MYH1: variants seen among roughly 807,000 people sequenced by gnomAD.
The protein encoded by MYH1 is myosin-1.
A neutral mutation model predicts 225.6 loss-of-function variants in MYH1; 214 were observed. The ratio of observed to expected loss-of-function variants is 0.95; its 90% CI spans 0.85 to 1.06. The LOEUF is 1.06. Among genes scored for constraint, MYH1 ranks in the 50% least tolerant of loss-of-function variants. The pLI is 0.00. For synonymous variants in MYH1, 774 were observed against 842.3 expected, an observed-to-expected ratio of 0.92 and a Z score of 1.40; for missense variants, 2,098 against 2,344.2, an observed-to-expected ratio of 0.89 and a Z score of 2.17.
chr17:10,499,993 A>G (rs2073035230), intron 28 of MYH1, among the ~76,000 whole-genome samples: 1 of 152,106 alleles, frequency 6.6e-6, no homozygotes, highest in African/African-American at 2.4e-5. Flanking sequence ...AGACTTTCCA[A>G]TTTCTCTAAT....
Position 10,497,733 on chromosome 17 carries a change from C to T in MYH1, c.4365+1G>A, listed in dbSNP as rs1215736440. ...GTTGAAGCAAAAACTGGAGAGAATA[C>T]CTTATCAAAGTTCCTTTGCTTTTTG... On this transcript the variant is annotated splice_donor_variant, in intron 31 of 39. Transcript: ENST00000226207. LOFTEE classifies it high-confidence loss of function. The T allele has an allele frequency of 6.2e-7, 1 of 1,613,520 alleles. No homozygotes were observed. The highest frequency in any genetic ancestry group is 8.5e-7 in the Non-Finnish European group (1 of 1,179,954).
In MYH1 at chr17:10,495,321, T is replaced by C. The variant is rs375929517; in HGVS notation, c.5170-4A>G. ...TGGTGTTGATCAGGCTGGTGTTCTGTTTAAAATGTGAAATTTAGAAATATT... is the reference window on the plus strand; with the variant it reads ...TGGTGTTGATCAGGCTGGTGTTCTGCTTAAAATGTGAAATTTAGAAATATT... On this transcript the variant is annotated splice_region_variant and splice_polypyrimidine_tract_variant and intron_variant, in intron 35 of 39. Transcript: ENST00000226207. 6.1e-5 allele frequency: 98 copies of C among 1,613,876 alleles called. No individual in the cohort carries two copies. Among genetic ancestry groups the C allele is most frequent in the Non-Finnish European group, 7.9e-5 (93 of 1,180,008 alleles).
In MYH1 at chr17:10,496,256, G is replaced by A. The variant is rs755487459; in HGVS notation, c.4950C>T (p.Thr1650=). 23 of 1,614,014 alleles carry A rather than the reference G, an allele frequency of 1.4e-5. No individual in the cohort carries two copies. The South Asian group carries it at 2.2e-4, about 15-fold the overall frequency. The part of the protein sequence containing the change: ...AAEALRNYRN[T]QAILKDTQLH... ...ACATATTTACCTTGAGGATGGCTTGGGTGTTCCTATAGTTCCTCAGGGCCT... is the reference window on the plus strand; with the variant it reads ...ACATATTTACCTTGAGGATGGCTTGAGTGTTCCTATAGTTCCTCAGGGCCT... Residue 1650 remains threonine (T), a synonymous_variant, in exon 34 of 40, where the codon ACC becomes ACT. Transcript: ENST00000226207.
At position 10,497,766 on chromosome 17, in the gene MYH1, C is replaced by T. The variant is rs139860229; in HGVS notation, c.4333G>A (p.Ala1445Thr). The T allele has an allele frequency of 6.4e-5, 103 of 1,613,814 alleles. No individual in the cohort carries two copies. Among genetic ancestry groups the T allele is most frequent in the South Asian group, 1.6e-4 (15 of 91,002 alleles). ...DVERTNAACA[A>T]LDKKQRNFDK... ...AAGTTCCTTTGCTTTTTGTCCAGGG[C>T]GGCACAGGCAGCATTTGTCCTCTCA... is the stretch of plus-strand genomic sequence containing the variant. Residue 1445 changes from alanine (A) to threonine (T), a missense_variant, in exon 31 of 40, where the codon GCC becomes ACC. By Grantham distance (58) the Ala-to-Thr change is moderately conservative. Coordinates refer to ENST00000226207, the MANE Select transcript of MYH1 (RefSeq NM_005963.4).
intron 39 of MYH1, among the ~76,000 whole-genome samples, chr17:10,493,683 C>T (rs910739052): frequency 5.3e-5 from 8 of 152,156 alleles, no homozygotes; most frequent in Admixed American, 2.0e-4. Flanking sequence ...TTCTGTTCTT[C>T]CCTTTGTTCC....
At position 10,515,910 on chromosome 17, in the gene MYH1, C is replaced by T; in HGVS notation, c.505+16G>A. Reference sequence around the variant, plus strand: ...ATGGTAAAATAATTCATATGAAAACCAGCTGAGCCACTCACCAGTCAGCAT... The same window carrying T: ...ATGGTAAAATAATTCATATGAAAACTAGCTGAGCCACTCACCAGTCAGCAT... On this transcript the variant is annotated intron_variant, in intron 5 of 39. Coordinates refer to ENST00000226207, the MANE Select transcript of MYH1 (RefSeq NM_005963.4). 1 of 1,613,868 alleles carries T rather than the reference C, an allele frequency of 6.2e-7. No individual in the cohort carries two copies. The highest frequency in any genetic ancestry group is 8.5e-7 in the Non-Finnish European group (1 of 1,179,942).
chr17:10,511,480 G>A (rs1397876762), intron 14 of MYH1, among the ~76,000 whole-genome samples: 1 of 152,024 alleles, frequency 6.6e-6, no homozygotes, highest in East Asian at 1.9e-4. Context: ...CTGTGTTAAG[G>A]GCTGAAAATT....
rs200741359 is a variant in MYH1 at position 10,501,151 on chromosome 17, C to T, written c.3697G>A (p.Asp1233Asn). The stretch of plus-strand genomic sequence containing the variant: ...GTCTCCATGTTACTAGCAAGGTCAT[C>T]GATCTCCATCTTCATCTCACTCTTC... ...KEKSEMKMEI[D>N]DLASNMETVS... Residue 1233 changes from aspartate (D) to asparagine (N), a missense_variant, in exon 27 of 40, where the codon GAT (aspartate) becomes AAT (asparagine). Asp to Asn is a conservative substitution (Grantham distance 23, BLOSUM62 1). Transcript: ENST00000226207. 3.3e-5 allele frequency: 54 copies of T among 1,614,144 alleles called. No individual in the cohort carries two copies. Among genetic ancestry groups the T allele is most frequent in the Admixed American group, 1.0e-4 (6 of 60,016 alleles).
At chr17:10,492,651 A>T in intron 39 of MYH1, 83 bp from the exon 40 acceptor site, 1 of 1,406,626 alleles carries the variant, frequency 7.1e-7, no homozygotes, top group South Asian at 1.4e-5. Context: ...TTTCCTTTTT[A>T]CTTAAAAATG....
Position 10,492,517 on chromosome 17 carries a change from G to A in MYH1, c.5719C>T (p.Leu1907=), listed in dbSNP as rs2072945208. The part of the protein sequence containing the change: ...LSKFRRIQHE[L]EEAEERADIA... ...TCAGCCCGTTCCTCGGCCTCCTCCA[G>A]CTCGTGCTGGATCCTGCGGAATTTG... The change falls in exon 40 of 40, where the codon CTG becomes TTG. Residue 1907 remains leucine (L), a synonymous_variant. Transcript: ENST00000226207. The A allele has an allele frequency of 2.5e-6, 4 of 1,613,998 alleles. No individual in the cohort carries two copies. The African/African-American group carries it at 4.0e-5, about 16-fold the overall frequency.
chr17:10,508,546 C>A lies in MYH1; in HGVS notation c.1714G>T (p.Ala572Ser), dbSNP rs1426510996. The A allele has an allele frequency of 2.5e-6, 4 of 1,614,134 alleles. No individual in the cohort carries two copies. Among genetic ancestry groups the A allele is most frequent in the East Asian group, 2.2e-5 (1 of 44,872 alleles). ...KSNNFQKPKP[A>S]KGKPEAHFSL... ...AAGTGGGCCTCAGGCTTGCCTTTGG[C>A]AGGCTTGGGCTTCTGGAAGTTATTG... Residue 572 changes from alanine to serine, a missense_variant, in exon 16 of 40, where the codon GCC becomes TCC. Coordinates refer to ENST00000226207, the MANE Select transcript of MYH1 (RefSeq NM_005963.4).
Position 10,492,393 on chromosome 17 carries a change from T to C in MYH1, c.*23A>G, listed in dbSNP as rs1369880422. The C allele has an allele frequency of 6.2e-7, 1 of 1,609,752 alleles. No homozygotes were observed. The highest frequency in any genetic ancestry group is 1.3e-5 in the African/African-American group (1 of 74,722). On this transcript the variant is annotated 3_prime_UTR_variant, in exon 40 of 40. Transcript: ENST00000226207. ...TTTCACATTTTGTGCATTTCTTTGG[T>C]CACCTTTCAGCAGTTAGATAAATTA...
intron 22 of MYH1, 56 bp from the exon 23 acceptor site, chr17:10,503,304 A>T: frequency 6.3e-7 from 1 of 1,583,804 alleles, no homozygotes; most frequent in Non-Finnish European, 8.6e-7. Context: ...ACATTTTCAG[A>T]TTTTATTAAT....
At chr17:10,499,887 T>C (rs898399271) in intron 28 of MYH1, among the ~76,000 whole-genome samples, 7 of 152,282 alleles carry the variant, frequency 4.6e-5, no homozygotes, top group African/African-American at 1.7e-4. Flanking sequence ...TAGCCTAAAT[T>C]ACCCATAAAA....
rs148632944 is a variant in MYH1, at chr17:10,510,327, A to G, written c.1417-672T>C. ...CTAATATTTGGTGAACATTTACTCT[A>G]CAGTAGACACTATGCTGAGTGCCTT... On this transcript the variant is annotated intron_variant, in intron 14 of 39. Coordinates refer to ENST00000226207, the MANE Select transcript of MYH1 (RefSeq NM_005963.4). Among the ~76,000 whole-genome samples, 340 of 152,302 alleles carry G rather than the reference A, an allele frequency of 2.2e-3. 2 individuals are homozygous for G. The highest frequency in any genetic ancestry group is 7.4e-3 in the African/African-American group (307 of 41,558).
chr17:10,507,628 G>A (rs995534833), intron 17 of MYH1, among the ~76,000 whole-genome samples: 8 of 152,072 alleles, frequency 5.3e-5, no homozygotes, highest in South Asian at 2.1e-4. Context: ...GAATTTTGCC[G>A]TCTAATACTG....
At chr17:10,501,737 C>T (rs1237929629) in intron 25 of MYH1, 29 bp downstream of exon 25, 1 of 1,613,886 alleles carries the variant, frequency 6.2e-7, no homozygotes, top group Non-Finnish European at 8.5e-7. Flanking sequence ...GTAATTTCCC[C>T]ACAAAACTGT....
Position 10,495,139 on chromosome 17 carries a change from A to G in MYH1, c.5296-38T>C, listed in dbSNP as rs111822439. The G allele has an allele frequency of 3.8e-5, 61 of 1,614,096 alleles. No individual in the cohort carries two copies. The African/African-American group carries it at 7.2e-4, about 19-fold the overall frequency. ...AAAACAGAATGGGTTAAGACAGCTAAGACAGCACATTAAGATTTAAGTTTG... is the reference window on the plus strand; with the variant it reads ...AAAACAGAATGGGTTAAGACAGCTAGGACAGCACATTAAGATTTAAGTTTG... On this transcript the variant is annotated intron_variant, in intron 36 of 39. Coordinates refer to ENST00000226207, the MANE Select transcript of MYH1 (RefSeq NM_005963.4).
At chr17:10,513,081 TG>T in intron 9 of MYH1, 116 bp from the exon 10 acceptor site, 1 of 692,880 alleles carries the variant, frequency 1.4e-6, no homozygotes, top group Non-Finnish European at 2.5e-6. Context: ...TTCAACTGAA[TG>T]TTCCTGTGAA....
Sources: allele counts gnomAD v4.1 joint callset (sites outside exome capture counted in the v4.1 genomes callset), GRCh38; gene constraint gnomAD v4.1.1; transcripts MANE v1.5; gene names NCBI Gene and HGNC (gene_info 2026-07-23, HGNC 2026-07-21).